Variants in GABRG3 observed in about 807,000 individuals in gnomAD.
GABRG3 encodes the protein gamma-aminobutyric acid type A receptor subunit gamma3, also known as gamma-aminobutyric acid receptor subunit gamma-3.
In GABRG3, 25 loss-of-function variants were observed where a neutral mutation model predicts 48.8. The ratio of observed to expected loss-of-function variants is 0.51; its 90% CI spans 0.37 to 0.72. The LOEUF is 0.72. GABRG3 is among the 30% of genes least tolerant of loss of function. The pLI, the probability that GABRG3 is intolerant of heterozygous loss-of-function variation, is 0.00. For synonymous variants in GABRG3, 227 were observed against 217.6 expected, an observed-to-expected ratio of 1.04 and a Z score of -0.38; for missense variants, 394 against 577.9, an observed-to-expected ratio of 0.68 and a Z score of 3.26.
intron 6 of GABRG3, among the ~76,000 whole-genome samples, chr15:27,503,880 T>C (rs775350053): frequency 6.6e-6 from 1 of 152,188 alleles, no homozygotes; most frequent in Non-Finnish European, 1.5e-5. Flanking sequence ...ATGTTTAGGG[T>C]GATTTTTTAT....
In GABRG3 at chr15:27,446,613, A is replaced by T. The variant is rs540831866; in HGVS notation, c.575-34037A>T. On this transcript the variant is annotated intron_variant, in intron 5 of 9. Transcript: ENST00000615808. ...AAATTTTTACTTATTTTGTTTAATT[A>T]ATCTTATGTATTTTATTCTTTTTGA... Among the ~76,000 whole-genome samples the T allele has an allele frequency of 5.9e-5, 9 of 152,240 alleles. No individual in the cohort carries two copies. The South Asian group carries it at 1.9e-3, about 32-fold the overall frequency.
rs541679438 is a variant in GABRG3 at position 27,143,083 on chromosome 15, T to C, written c.270+116262T>C. On this transcript the variant is annotated intron_variant, in intron 3 of 9. Coordinates refer to ENST00000615808, the MANE Select transcript of GABRG3 (RefSeq NM_033223.5). ...TTATTTGGATTTATTTATGTATTTA[T>C]TTATTTATTTTACAGTCAGTGTCTC... Among the ~76,000 whole-genome samples the C allele has an allele frequency of 9.9e-5, 15 of 152,254 alleles. No individual in the cohort carries two copies. The South Asian group carries it at 3.1e-3, about 32-fold the overall frequency.
At chr15:27,156,789 T>C (rs1366002233) in intron 3 of GABRG3, among the ~76,000 whole-genome samples, 1 of 152,242 alleles carries the variant, frequency 6.6e-6, no homozygotes, top group African/African-American at 2.4e-5. Context: ...AGAGTTTTGT[T>C]CAGCAATAGG....
intron 3 of GABRG3, among the ~76,000 whole-genome samples, chr15:27,072,645 C>G (rs777879287): frequency 2.0e-5 from 3 of 152,226 alleles, no homozygotes; most frequent in Admixed American, 2.0e-4. Context: ...CGTCTCCAAG[C>G]TGGCCTGAGG....
intron 5 of GABRG3, among the ~76,000 whole-genome samples, chr15:27,389,945 T>A (rs540036369): frequency 6.6e-6 from 1 of 152,334 alleles, no homozygotes; most frequent in Non-Finnish European, 1.5e-5. Context: ...AAATAATTAT[T>A]TGAGGACAAA....
At chr15:27,477,806 C>T (rs1323483357) in intron 5 of GABRG3, among the ~76,000 whole-genome samples, 2 of 152,098 alleles carry the variant, frequency 1.3e-5, no homozygotes, top group South Asian at 2.1e-4. Context: ...TTTGGAAGGC[C>T]AAGGCGGGCA....
In GABRG3 at chr15:27,021,649, TG is replaced by T. The variant is rs1216932174; in HGVS notation, c.203-5102del. Among the ~76,000 whole-genome samples, 18 of 152,254 alleles carry T rather than the reference TG, an allele frequency of 1.2e-4. No individual in the cohort carries two copies. The East Asian group carries it at 3.3e-3, about 28-fold the overall frequency. ...TGAATCTGGAAGTTCAAGACCAGCC[TG>T]GGCAACATAGCGAGACTCTATTTCT... is the stretch of plus-strand genomic sequence containing the variant. On this transcript the variant is annotated intron_variant, in intron 2 of 9. Transcript: ENST00000615808.
At chr15:27,371,637 A>G (rs1370000212) in intron 5 of GABRG3, among the ~76,000 whole-genome samples, 1 of 152,138 alleles carries the variant, frequency 6.6e-6, no homozygotes, top group African/African-American at 2.4e-5. Flanking sequence ...TGTAAAGGCA[A>G]CTCGTTTCTA....
rs916009814 is a variant in GABRG3 at position 27,045,485 on chromosome 15, T to C, written c.270+18664T>C. Among the ~76,000 whole-genome samples, 45 of 152,246 alleles carry C rather than the reference T, an allele frequency of 3.0e-4. 1 individual carries two copies. ...CCCTTTCCGGTGTGCACCCAGCATCTACTGCAAGATAAACTATCTAGAATG... is the reference window on the plus strand; with the variant it reads ...CCCTTTCCGGTGTGCACCCAGCATCCACTGCAAGATAAACTATCTAGAATG... On this transcript the variant is annotated intron_variant, in intron 3 of 9. Coordinates refer to ENST00000615808, the MANE Select transcript of GABRG3 (RefSeq NM_033223.5).
rs902440688 is a variant in GABRG3 at position 27,180,110 on chromosome 15, TGTTTTACCAATCA to T, written c.271-146698_271-146686del. On this transcript the variant is annotated intron_variant, in intron 3 of 9. Coordinates refer to ENST00000615808, the MANE Select transcript of GABRG3 (RefSeq NM_033223.5). This position sits in a 1 kb window ranked among gnomAD's most constrained non-coding sequence, Gnocchi z 4.2. ...AGGAGACTGTGGGGCTCGTTGCACT[TGTTTTACCAATCA>T]CAGAGCTCACAAAGAAGTTGTCCAG... Among the ~76,000 whole-genome samples, 57 of 152,240 alleles carry T rather than the reference TGTTTTACCAATCA, an allele frequency of 3.7e-4. No individual in the cohort carries two copies. The highest frequency in any genetic ancestry group is 1.3e-3 in the African/African-American group (56 of 41,538).
At chr15:27,354,737 CT>C (rs1894779711) in intron 5 of GABRG3, among the ~76,000 whole-genome samples, 1 of 152,192 alleles carries the variant, frequency 6.6e-6, no homozygotes, top group Non-Finnish European at 1.5e-5. Flanking sequence ...GAGTGGATAT[CT>C]CACATGCATT....
chr15:26,977,934 C>T (rs943136438), intron 2 of GABRG3, among the ~76,000 whole-genome samples: 1 of 152,138 alleles, frequency 6.6e-6, no homozygotes, highest in South Asian at 2.1e-4. Context: ...TTTTTCGTTT[C>T]CCCCAGCAAT....
At chr15:27,234,452 A>C (rs34036620) in intron 3 of GABRG3, among the ~76,000 whole-genome samples, 1 of 152,004 alleles carries the variant, frequency 6.6e-6, no homozygotes, top group African/African-American at 2.4e-5. Flanking sequence ...TTCCTTGCTA[A>C]GGTTGCTGTG....
At chr15:27,011,538 C>G (rs904295817) in intron 2 of GABRG3, among the ~76,000 whole-genome samples, 7 of 152,158 alleles carry the variant, frequency 4.6e-5, no homozygotes, top group African/African-American at 1.7e-4. Context: ...TAGCCTAGGT[C>G]AGGATACTAC....
chr15:27,482,594 C>G (rs111856288), intron 6 of GABRG3, among the ~76,000 whole-genome samples: 37 of 152,344 alleles, frequency 2.4e-4, no homozygotes, highest in African/African-American at 8.7e-4. Context: ...AATCTCCTAA[C>G]TCAACATTAT....
intron 5 of GABRG3, among the ~76,000 whole-genome samples, chr15:27,337,452 ATTT>A (rs1894013704): frequency 6.6e-6 from 1 of 152,204 alleles, no homozygotes; most frequent in Admixed American, 6.5e-5. Flanking sequence ...AGCCTGAGAT[ATTT>A]TTATGCTAAG....
chr15:27,436,993 A>ATTAG lies in GABRG3; in HGVS notation c.575-43657_575-43656insTTAG, dbSNP rs1423979726. 5.2e-5 allele frequency among the ~76,000 whole-genome samples: 4 copies of ATTAG among 76,234 alleles called. No individual in the cohort carries two copies. The East Asian group carries it at 2.2e-3, about 42-fold the overall frequency. 50.0% of individuals were successfully genotyped at this position (76,234 alleles called of 152,430 possible). A position where few individuals can be genotyped will look rare whatever the true frequency, so the allele number is the denominator to read the frequency against. ...CCTGGGTGAGACTCCTTCTCCGAAA[A>ATTAG]ATAGAGAGAGAGAGAGAGAGAGAGA... On this transcript the variant is annotated intron_variant, in intron 5 of 9. Transcript: ENST00000615808.
chr15:27,046,884 TCAGA>T (rs140673950), intron 3 of GABRG3, among the ~76,000 whole-genome samples: 3,347 of 152,318 alleles, frequency 0.022, 62 homozygotes, highest in Non-Finnish European at 0.032. Flanking sequence ...TTTGATGTTT[TCAGA>T]CAAAGTGATG....
chr15:27,166,725 C>T (rs1164211746), intron 3 of GABRG3, among the ~76,000 whole-genome samples: 1 of 152,196 alleles, frequency 6.6e-6, no homozygotes, highest in African/African-American at 2.4e-5. Context: ...AGACACTCCA[C>T]TTATTATTAC....
Sources: gnomAD v4.1 joint callset for allele counts (sites outside exome capture counted in the v4.1 genomes callset) on GRCh38, gnomAD v4.1.1 for gene constraint, Gnocchi (gnomAD v3.1) non-coding constraint, MANE v1.5 for transcripts, NCBI Gene and HGNC (gene_info 2026-07-23, HGNC 2026-07-21) for gene names.